The following DOC2B variants were observed in gnomAD, a reference collection of about 807,000 sequenced individuals.
DOC2B encodes the protein double C2-like domain-containing protein beta.
DOC2B carries 21 observed loss-of-function variants against 28.9 expected under a neutral mutation model. The observed-to-expected ratio is 0.73, with a 90% CI of 0.52 to 1.05. The LOEUF (loss-of-function observed/expected upper bound fraction) is 1.05, where lower values mean the gene tolerates loss of function less well. Ranked by LOEUF, DOC2B falls within the 50% of genes least tolerant of loss-of-function variation. DOC2B has a pLI of 0.00. For missense variants in DOC2B, 384 were observed against 421.1 expected, an observed-to-expected ratio of 0.91 and a Z score of 0.77; for synonymous variants, 194 against 178.1, an observed-to-expected ratio of 1.09 and a Z score of -0.71.
Position 142,973 on chromosome 17 carries a change from C to A in DOC2B, c.*4468G>T, listed in dbSNP as rs1158437196. ...TTAGGAAGGTTTATTTTTTTCCCTC[C>A]AAACCTAAGCAGTACATGTCTTAAA... On this transcript the variant is annotated 3_prime_UTR_variant, in exon 9 of 9. Transcript: ENST00000613549. 6.6e-6 allele frequency: 1 copy of A among 152,046 alleles called. No homozygotes were observed. Among genetic ancestry groups the A allele is most frequent in the East Asian group, 1.9e-4 (1 of 5,198 alleles). 9.4% of individuals were successfully genotyped at this position (152,046 alleles called of 1,614,324 possible). A position where few individuals can be genotyped will look rare whatever the true frequency, so the allele number is the denominator to read the frequency against.
intron 6 of DOC2B, among the ~76,000 whole-genome samples, chr17:154,619 G>T (rs747425389): frequency 6.6e-6 from 1 of 152,192 alleles, no homozygotes; most frequent in Non-Finnish European, 1.5e-5. Context: ...TATCTCTTGG[G>T]TATATAACAA....
At chr17:166,406 C>CA (rs1249394697) in intron 2 of DOC2B, among the ~76,000 whole-genome samples, 1 of 152,244 alleles carries the variant, frequency 6.6e-6, no homozygotes, top group African/African-American at 2.4e-5. Flanking sequence ...CCCTTGGGCA[C>CA]ATGCTCCCCA....
At chr17:151,862 C>T (rs1046268469) in intron 6 of DOC2B, among the ~76,000 whole-genome samples, 4 of 152,220 alleles carry the variant, frequency 2.6e-5, no homozygotes, top group African/African-American at 9.6e-5. Context: ...AGCCTCGGCA[C>T]CTTCAGCCAT....
chr17:173,072 A>T (rs544406299), intron 1 of DOC2B, among the ~76,000 whole-genome samples: 1 of 152,344 alleles, frequency 6.6e-6, no homozygotes, highest in South Asian at 2.1e-4. Context: ...TTTGCTCAAC[A>T]GTCCCCCAGC....
intron 1 of DOC2B, among the ~76,000 whole-genome samples, chr17:173,865 T>G (rs1306218806): frequency 6.6e-6 from 1 of 152,210 alleles, no homozygotes; most frequent in Non-Finnish European, 1.5e-5. Context: ...GGCTCTGAGC[T>G]AGGCTCCCAA....
chr17:165,261 C>T (rs1251168939), intron 2 of DOC2B, among the ~76,000 whole-genome samples: 2 of 152,074 alleles, frequency 1.3e-5, no homozygotes, highest in Non-Finnish European at 1.5e-5. Flanking sequence ...GTAATCCCAG[C>T]GCTTGAGCCC....
intron 6 of DOC2B, 44 bp from the exon 7 acceptor site, chr17:149,236 A>G (rs1450410667): frequency 1.0e-5 from 4 of 399,174 alleles, no homozygotes; most frequent in Non-Finnish European, 1.8e-5. Flanking sequence ...GGGACATGCT[A>G]TGGGGTATAG....
rs1049912713 is a variant in DOC2B, at chr17:146,589, C to G, written c.*852G>C. On this transcript the variant is annotated 3_prime_UTR_variant, in exon 9 of 9. Transcript: ENST00000613549. ...ACCCTGGGTCCACAGCACCCCGGCC[C>G]CATTGGCTTTCTCTCTCCAGGCGTT... is the stretch of plus-strand genomic sequence containing the variant. The G allele has an allele frequency of 9.2e-5, 14 of 152,262 alleles. No individual in the cohort carries two copies. Among genetic ancestry groups the G allele is most frequent in the African/African-American group, 2.9e-4 (12 of 41,418 alleles). 9.4% of individuals were successfully genotyped at this position (152,262 alleles called of 1,614,324 possible). A position where few individuals can be genotyped will look rare whatever the true frequency, so the allele number is the denominator to read the frequency against.
At chr17:150,229 C>A (rs1439683794) in intron 6 of DOC2B, among the ~76,000 whole-genome samples, 1 of 152,236 alleles carries the variant, frequency 6.6e-6, no homozygotes, top group African/African-American at 2.4e-5. Flanking sequence ...CCTGTTCCTG[C>A]ATAGATAATT....
chr17:164,246 A>G lies in DOC2B; in HGVS notation c.454-42T>C, dbSNP rs2040237129. The G allele has an allele frequency of 3.4e-6, 5 of 1,457,030 alleles. No homozygotes were observed. The South Asian group carries it at 6.1e-5, about 18-fold the overall frequency. The allele number at this position is 1,457,030 out of a possible 1,614,324, so 90.3% of individuals were successfully genotyped here. A position where few individuals can be genotyped will look rare whatever the true frequency, so the allele number is the denominator to read the frequency against. On this transcript the variant is annotated intron_variant, in intron 2 of 8. Transcript: ENST00000613549. The stretch of plus-strand genomic sequence containing the variant: ...AAACGGTGTGAACTGGAAATCGGGG[A>G]CATGGAACTGACAGGGCCTGCAGAT...
chr17:163,319 G>T (rs1298531084), intron 3 of DOC2B, among the ~76,000 whole-genome samples: 1 of 152,150 alleles, frequency 6.6e-6, no homozygotes, highest in African/African-American at 2.4e-5. Flanking sequence ...GGAGTAGGTG[G>T]TGGGGCACTG....
chr17:157,451 G>T (rs6420495), intron 5 of DOC2B, among the ~76,000 whole-genome samples: 109,805 of 152,038 alleles, frequency 0.72, 40,385 homozygotes, highest in East Asian at 0.86. Context: ...GTTCCTTGAA[G>T]TTGGAACTCT....
rs1245634086 is a variant in DOC2B, at chr17:161,430, C to T, written c.750G>A (p.Leu250=). 9.0e-6 allele frequency: 14 copies of T among 1,551,682 alleles called. No individual in the cohort carries two copies. The highest frequency in any genetic ancestry group is 2.0e-5 in the Admixed American group (1 of 51,008). ...ATCCTCTCACCGGCAGCTGCTTCTC[C>T]AGGCAGATGCTGAAGGTCTTGGTGT... is the stretch of plus-strand genomic sequence containing the variant. ...PNHTKTFSIC[L]EKQLPVDKTE... Residue 250 remains leucine, a synonymous_variant, in exon 5 of 9, where the codon CTG becomes CTA. Transcript: ENST00000613549.
intron 5 of DOC2B, among the ~76,000 whole-genome samples, chr17:158,774 G>A (rs771491915): frequency 1.3e-5 from 2 of 152,238 alleles, no homozygotes; most frequent in Non-Finnish European, 2.9e-5. Flanking sequence ...GCCAGGCACA[G>A]TGACTCATGC....
intron 1 of DOC2B, among the ~76,000 whole-genome samples, chr17:180,583 C>T (rs536976037): frequency 6.2e-4 from 95 of 152,238 alleles, no homozygotes; most frequent in African/African-American, 2.1e-3. Context: ...AGCAGCTGCG[C>T]TCTGCGGGCC....
At position 181,051 on chromosome 17, in the gene DOC2B, G is replaced by GGGGGCC. The variant is rs1567542308; in HGVS notation, c.373+50_373+55dup. On this transcript the variant is annotated intron_variant, in intron 1 of 8. Transcript: ENST00000613549. This position sits in a 1 kb window ranked among gnomAD's most constrained non-coding sequence, Gnocchi z 7.0. ...GCGGAGGGAAGCCGCGAGGCCGTGG[G>GGGGGCC]GGGGCCGAGCCCGAGCCAGGGGAGG... The GGGGGCC allele has an allele frequency of 1.7e-6, 2 of 1,207,008 alleles. No individual in the cohort carries two copies. Among genetic ancestry groups the GGGGGCC allele is most frequent in the African/African-American group, 1.6e-5 (1 of 63,060 alleles). 74.8% of individuals were successfully genotyped at this position (1,207,008 alleles called of 1,614,324 possible).
intron 6 of DOC2B, chr17:155,923 G>T: frequency 5.2e-6 from 2 of 388,208 alleles, no homozygotes; most frequent in Non-Finnish European, 4.6e-6. Flanking sequence ...TGCAACTCAT[G>T]GCCCCTCCTG....
In DOC2B at chr17:164,254, C is replaced by T. The variant is rs1162083358; in HGVS notation, c.454-50G>A. On this transcript the variant is annotated intron_variant, in intron 2 of 8. Coordinates refer to ENST00000613549, the MANE Select transcript of DOC2B (RefSeq NM_003585.5). ...TGAACTGGAAATCGGGGACATGGAA[C>T]TGACAGGGCCTGCAGATGCCCTTGT... 7 of 1,391,558 alleles carry T rather than the reference C, an allele frequency of 5.0e-6. No homozygotes were observed. The East Asian group carries it at 7.5e-5, about 15-fold the overall frequency. 86.2% of individuals were successfully genotyped at this position (1,391,558 alleles called of 1,614,324 possible). A position where few individuals can be genotyped will look rare whatever the true frequency, so the allele number is the denominator to read the frequency against.
intron 5 of DOC2B, among the ~76,000 whole-genome samples, chr17:158,419 G>A (rs1043677729): frequency 2.0e-5 from 3 of 152,134 alleles, no homozygotes; most frequent in Non-Finnish European, 2.9e-5. Context: ...ACACCAAAGT[G>A]AGTCCCTCTG....
Sources: gnomAD v4.1 joint callset for allele counts (sites outside exome capture counted in the v4.1 genomes callset) on GRCh38, gnomAD v4.1.1 for gene constraint, Gnocchi (gnomAD v3.1) non-coding constraint, MANE v1.5 for transcripts, NCBI Gene and HGNC (gene_info 2026-07-23, HGNC 2026-07-21) for gene names.